Variants in PPP1R9A observed in about 807,000 individuals in gnomAD.
PPP1R9A encodes neurabin-1.
PPP1R9A carries 59 observed loss-of-function variants against 141.9 expected under a neutral mutation model. That is an observed-to-expected ratio of 0.42 (90% confidence interval 0.34 to 0.52). The LOEUF (loss-of-function observed/expected upper bound fraction) is 0.52. Ranked by LOEUF, PPP1R9A falls within the 20% of genes least tolerant of loss-of-function variation. The pLI, the probability that PPP1R9A is intolerant of heterozygous loss-of-function variation, is 0.10. For synonymous variants in PPP1R9A, 500 were observed against 569.7 expected (o/e 0.88, Z 1.74); for missense variants, 1,444 against 1,611.9 (o/e 0.90, Z 1.78).
chr7:95,071,798 A>T (rs886593040), intron 2 of PPP1R9A, among the ~76,000 whole-genome samples: 1 of 151,940 alleles, frequency 6.6e-6, no homozygotes, highest in Non-Finnish European at 1.5e-5. Context: ...ACAGAAATAA[A>T]CTTTTTTTGT....
rs530860257 is a variant in PPP1R9A at position 95,160,814 on chromosome 7, A to G, written c.1650-1053A>G. On this transcript the variant is annotated intron_variant, in intron 4 of 19. Transcript: ENST00000433360. Reference sequence around the variant, plus strand: ...TTCCTGTGTTAGTTTGCTTAGGATAATGGCCTCCAGATGCATCCGTGTTGC... The same window carrying G: ...TTCCTGTGTTAGTTTGCTTAGGATAGTGGCCTCCAGATGCATCCGTGTTGC... 1.2e-3 allele frequency among the ~76,000 whole-genome samples: 183 copies of G among 152,248 alleles called. 1 individual carries two copies. Among genetic ancestry groups the G allele is most frequent in the African/African-American group, 4.3e-3 (177 of 41,550 alleles).
intron 4 of PPP1R9A, among the ~76,000 whole-genome samples, chr7:95,125,749 T>C (rs1421591345): frequency 6.6e-6 from 1 of 152,216 alleles, no homozygotes; most frequent in Non-Finnish European, 1.5e-5. Context: ...TTCAATTTTA[T>C]TGGAAGAGAT....
Position 94,910,591 on chromosome 7 carries a change from T to TC in PPP1R9A, c.482dup (p.Lys163GlufsTer8), listed in dbSNP as rs1791342350. The TC allele has an allele frequency of 6.2e-7, 1 of 1,613,960 alleles. No individual in the cohort carries two copies. The highest frequency in any genetic ancestry group is 8.5e-7 in the Non-Finnish European group (1 of 1,180,024). ...TGAATCAGGACAGAACAACCGCTAT[T>TC]CCCCAAAGAAAGAGAAAGCTGGAGG... On this transcript the variant is annotated frameshift_variant, in exon 2 of 20. Transcript: ENST00000433360. LOFTEE classifies it high-confidence loss of function. This position sits in a 1 kb window ranked among gnomAD's most constrained non-coding sequence, Gnocchi z 4.5.
chr7:95,184,055 G>A (rs187874770), intron 5 of PPP1R9A, among the ~76,000 whole-genome samples: 1 of 152,240 alleles, frequency 6.6e-6, no homozygotes, highest in African/African-American at 2.4e-5. Flanking sequence ...AGAATATGCA[G>A]TTACAAATAA....
At chr7:95,166,739 T>A (rs919580125) in intron 5 of PPP1R9A, among the ~76,000 whole-genome samples, 10 of 152,162 alleles carry the variant, frequency 6.6e-5, no homozygotes, top group Non-Finnish European at 1.2e-4. Flanking sequence ...ATATTCCCAA[T>A]GAACACAGAG....
intron 2 of PPP1R9A, among the ~76,000 whole-genome samples, chr7:94,923,274 A>G (rs1472143034): frequency 6.6e-6 from 1 of 152,198 alleles, no homozygotes; most frequent in African/African-American, 2.4e-5. Flanking sequence ...TATGCTTTCA[A>G]ACACTGGGTA....
At chr7:95,124,997 A>G (rs1021779524) in intron 4 of PPP1R9A, among the ~76,000 whole-genome samples, 5 of 151,886 alleles carry the variant, frequency 3.3e-5, no homozygotes, top group Non-Finnish European at 7.4e-5. Context: ...AAAAGTTTTG[A>G]CCCTTCCTTA....
chr7:95,020,003 T>A (rs1483368231), intron 2 of PPP1R9A, among the ~76,000 whole-genome samples: 1 of 152,014 alleles, frequency 6.6e-6, no homozygotes, highest in Non-Finnish European at 1.5e-5. Context: ...ACCCAAACAG[T>A]GGACTCAGCA....
At chr7:95,142,699 AT>A (rs1369394173) in intron 4 of PPP1R9A, among the ~76,000 whole-genome samples, 3 of 152,016 alleles carry the variant, frequency 2.0e-5, no homozygotes, top group Non-Finnish European at 4.4e-5. Flanking sequence ...GACAAGATTA[AT>A]TTTTTTAATG....
At chr7:94,961,926 G>T (rs1797688012) in intron 2 of PPP1R9A, among the ~76,000 whole-genome samples, 1 of 151,722 alleles carries the variant, frequency 6.6e-6, no homozygotes, top group African/African-American at 2.4e-5. Context: ...ATATTTCAAT[G>T]CCTACTATGT....
intron 2 of PPP1R9A, among the ~76,000 whole-genome samples, chr7:95,024,557 G>C (rs1172677685): frequency 1.3e-5 from 2 of 151,926 alleles, no homozygotes. Context: ...TTTGATCTTT[G>C]TTGGTTTAAA....
chr7:95,293,214 G>A lies in PPP1R9A; in HGVS notation c.*2911G>A, dbSNP rs1167895511. Reference sequence around the variant, plus strand: ...GGGTCAGGGTTTCCCATTAAAGGATGTTAGTTTTATAACAGATTACTTTGT... The same window carrying A: ...GGGTCAGGGTTTCCCATTAAAGGATATTAGTTTTATAACAGATTACTTTGT... On this transcript the variant is annotated 3_prime_UTR_variant, in exon 20 of 20. Transcript: ENST00000433360. 6.6e-6 allele frequency: 1 copy of A among 152,086 alleles called. No homozygotes were observed. The highest frequency in any genetic ancestry group is 1.5e-5 in the Non-Finnish European group (1 of 68,016). The allele number at this position is 152,086 out of a possible 1,614,324, so 9.4% of individuals were successfully genotyped here.
At chr7:95,183,938 G>T (rs1834256836) in intron 5 of PPP1R9A, among the ~76,000 whole-genome samples, 1 of 151,968 alleles carries the variant, frequency 6.6e-6, no homozygotes, top group Admixed American at 6.6e-5. Context: ...GCCAGATCCA[G>T]CTTTCAAAAG....
At chr7:95,023,685 G>A (rs1036310666) in intron 2 of PPP1R9A, among the ~76,000 whole-genome samples, 2 of 152,016 alleles carry the variant, frequency 1.3e-5, no homozygotes, top group African/African-American at 4.8e-5. Flanking sequence ...CTGAGTAGCT[G>A]GGACTACAGG....
intron 12 of PPP1R9A, among the ~76,000 whole-genome samples, chr7:95,253,107 A>T (rs904279966): frequency 1.3e-5 from 2 of 152,248 alleles, no homozygotes; most frequent in Non-Finnish European, 2.9e-5. Context: ...ATTAGAAAAC[A>T]CATAATAATT....
chr7:95,143,465 G>A (rs1827055341), intron 4 of PPP1R9A, among the ~76,000 whole-genome samples: 1 of 152,140 alleles, frequency 6.6e-6, no homozygotes, highest in African/African-American at 2.4e-5. Flanking sequence ...GGGGCCCACT[G>A]TATTTTAAAC....
At chr7:95,075,803 C>T (rs560971832) in intron 2 of PPP1R9A, among the ~76,000 whole-genome samples, 1 of 152,044 alleles carries the variant, frequency 6.6e-6, no homozygotes, top group Admixed American at 6.5e-5. Flanking sequence ...CGCCACTGCA[C>T]TCCAGCCTGG....
At chr7:95,008,748 G>C (rs1050704749) in intron 2 of PPP1R9A, among the ~76,000 whole-genome samples, 3 of 152,104 alleles carry the variant, frequency 2.0e-5, no homozygotes, top group Non-Finnish European at 4.4e-5. Context: ...GTGAGAACTT[G>C]GTATCATGGT....
At chr7:94,954,437 C>G (rs1294582002) in intron 2 of PPP1R9A, among the ~76,000 whole-genome samples, 4 of 151,760 alleles carry the variant, frequency 2.6e-5, no homozygotes, top group Admixed American at 6.6e-5. Context: ...ATGCCATTTC[C>G]TTATTTCTAC....
Sources: allele counts gnomAD v4.1 joint callset (sites outside exome capture counted in the v4.1 genomes callset), GRCh38; gene constraint gnomAD v4.1.1; non-coding constraint Gnocchi (gnomAD v3.1); transcripts MANE v1.5; gene names NCBI Gene and HGNC (gene_info 2026-07-23, HGNC 2026-07-21).